C1orf87: variants seen among roughly 807,000 people sequenced by gnomAD.
C1orf87 encodes uncharacterized protein C1orf87.
A neutral mutation model predicts 60.5 loss-of-function variants in C1orf87; 58 were observed. That is an observed-to-expected ratio of 0.96 (90% confidence interval 0.78 to 1.19). The LOEUF is 1.19. Among genes scored for constraint, C1orf87 ranks in the 50% most tolerant of loss-of-function variants. The pLI is 0.00. For synonymous variants in C1orf87, 236 were observed against 227.4 expected (o/e 1.04, Z -0.34); for missense variants, 673 against 638.6 (o/e 1.05, Z -0.58).
At chr1:60,049,672 C>T (rs1334327679) in intron 3 of C1orf87, among the ~76,000 whole-genome samples, 1 of 151,980 alleles carries the variant, frequency 6.6e-6, no homozygotes, top group African/African-American at 2.4e-5. Flanking sequence ...TCCCCTTATC[C>T]CAGATGATAG....
Position 60,001,123 on chromosome 1 carries a change from A to T in C1orf87, c.1226T>A (p.Met409Lys), listed in dbSNP as rs1557455930. The T allele has an allele frequency of 1.2e-6, 2 of 1,604,046 alleles. No homozygotes were observed. The highest frequency in any genetic ancestry group is 2.3e-5 in the East Asian group (1 of 44,350). The change falls in exon 10 of 12, where the codon ATG (methionine) becomes AAG (lysine). Residue 409 changes from methionine (M) to lysine (K), a missense_variant. By Grantham distance (95) the Met-to-Lys change is moderately conservative. Coordinates refer to ENST00000371201, the MANE Select transcript of C1orf87 (RefSeq NM_152377.3). ...AGACATCTCGGGGACTTCAGGCTCC[A>T]TTGGAGGGGCAGGGGCTTTCTTTTC... The part of the protein sequence containing the change: ...KNEKKAPAPP[M>K]EPEVPEMSQS...
At chr1:60,007,928 C>T (rs892675148) in intron 9 of C1orf87, among the ~76,000 whole-genome samples, 6 of 151,972 alleles carry the variant, frequency 3.9e-5, no homozygotes, top group Non-Finnish European at 7.4e-5. Flanking sequence ...GTTCTACACA[C>T]CCATAAGGAG....
intron 2 of C1orf87, among the ~76,000 whole-genome samples, chr1:60,067,570 T>G (rs1214668575): frequency 4.7e-5 from 7 of 150,012 alleles, no homozygotes; most frequent in East Asian, 1.9e-4. Context: ...GTTTTTTTTT[T>G]TTTTTTTTTT....
At chr1:60,071,927 T>G (rs1205148004) in intron 2 of C1orf87, among the ~76,000 whole-genome samples, 2 of 152,192 alleles carry the variant, frequency 1.3e-5, no homozygotes, top group Non-Finnish European at 2.9e-5. Flanking sequence ...CCTTCCCTCC[T>G]TTTTTGAGCC....
At position 60,039,990 on chromosome 1, in the gene C1orf87, T is replaced by C. The variant is rs1245938184; in HGVS notation, c.674A>G (p.His225Arg). Residue 225 changes from histidine (H) to arginine (R), a missense_variant, in exon 5 of 12, where the codon CAT (histidine) becomes CGT (arginine). Transcript: ENST00000371201. The part of the protein sequence containing the change: ...QSQLSRLFLK[H>R]EVPLQLPTVK... ...TGTTGGTAACTGTAGAGGGACTTCA[T>C]GCTTCAAAAAGAGGCGGCTCAGCTG... 7.4e-6 allele frequency: 12 copies of C among 1,614,036 alleles called. No individual in the cohort carries two copies. The highest frequency in any genetic ancestry group is 1.0e-5 in the Non-Finnish European group (12 of 1,179,996).
rs548857262 is a variant in C1orf87, at chr1:60,046,894, T to C, written c.343-5763A>G. On this transcript the variant is annotated intron_variant, in intron 3 of 11. Transcript: ENST00000371201. ...TGCTGTTTTTAAAAAGTATCATTTATTTCTTGTAAAATAGTAGTTAAATCT... is the reference window on the plus strand; with the variant it reads ...TGCTGTTTTTAAAAAGTATCATTTACTTCTTGTAAAATAGTAGTTAAATCT... Among the ~76,000 whole-genome samples the C allele has an allele frequency of 3.3e-5, 5 of 152,386 alleles. No individual in the cohort carries two copies. In the South Asian group the frequency reaches 1.0e-3, roughly 32 times the overall value.
chr1:60,010,407 A>G lies in C1orf87; in HGVS notation c.1177T>C (p.Ser393Pro), dbSNP rs1645075187. Residue 393 changes from serine to proline, a missense_variant, in exon 9 of 12, where the codon TCT (serine) becomes CCT (proline). Physicochemically the swap from Ser to Pro is moderately conservative, Grantham distance 74 (BLOSUM62 -1). Coordinates refer to ENST00000371201, the MANE Select transcript of C1orf87 (RefSeq NM_152377.3). ...TGGAACTCACCTGTAGGCAAATCAG[A>G]TAACAAATCAGAAGAAGCTCTGGTC... ...MLTRASSDLLSDLPTGKNEKK... is the reference protein window; with the variant it reads ...MLTRASSDLLPDLPTGKNEKK... The G allele has an allele frequency of 6.2e-7, 1 of 1,612,572 alleles. No homozygotes were observed. The highest frequency in any genetic ancestry group is 2.2e-5 in the East Asian group (1 of 44,828).
At chr1:60,040,768 T>G (rs527377290) in intron 4 of C1orf87, among the ~76,000 whole-genome samples, 10 of 151,390 alleles carry the variant, frequency 6.6e-5, no homozygotes, top group African/African-American at 2.4e-4. Context: ...TTTTTTTTTT[T>G]TTTTTGTAGA....
intron 6 of C1orf87, among the ~76,000 whole-genome samples, chr1:60,034,417 G>C (rs994550092): frequency 6.6e-6 from 1 of 152,168 alleles, no homozygotes; most frequent in East Asian, 1.9e-4. Flanking sequence ...AACTTTTCCT[G>C]TTTTCCATTG....
intron 10 of C1orf87, among the ~76,000 whole-genome samples, chr1:60,000,500 T>C (rs955099219): frequency 6.6e-6 from 1 of 152,062 alleles, no homozygotes; most frequent in Non-Finnish European, 1.5e-5. Context: ...TATGTTCTAA[T>C]CCGGGCATTT....
At chr1:60,033,689 A>C (rs771940153) in intron 6 of C1orf87, 48 bp from the exon 7 acceptor site, 2 of 1,570,748 alleles carry the variant, frequency 1.3e-6, no homozygotes, top group South Asian at 1.2e-5. Flanking sequence ...TATCCACCCA[A>C]GGCAGCTGCA....
intron 11 of C1orf87, among the ~76,000 whole-genome samples, chr1:59,992,963 G>A (rs550927192): frequency 2.0e-5 from 3 of 152,192 alleles, no homozygotes; most frequent in Non-Finnish European, 2.9e-5. Flanking sequence ...TTGCATCTTC[G>A]AAGTTTTCTG....
At chr1:60,000,772 C>T (rs903957814) in intron 10 of C1orf87, among the ~76,000 whole-genome samples, 3 of 151,972 alleles carry the variant, frequency 2.0e-5, no homozygotes, top group Non-Finnish European at 4.4e-5. Context: ...GTGAATCGGT[C>T]ACAAGCTTTG....
chr1:60,019,265 T>C (rs986328170), intron 8 of C1orf87, among the ~76,000 whole-genome samples: 2 of 152,224 alleles, frequency 1.3e-5, no homozygotes, highest in Admixed American at 1.3e-4. Context: ...CACTGTCTCT[T>C]CCTCTCTCCT....
Position 60,010,387 on chromosome 1 carries a change from C to T in C1orf87, c.1192+5G>A, listed in dbSNP as rs978068329. 1 of 1,611,140 alleles carries T rather than the reference C, an allele frequency of 6.2e-7. No homozygotes were observed. Among genetic ancestry groups the T allele is most frequent in the African/African-American group, 1.3e-5 (1 of 74,844 alleles). On this transcript the variant is annotated splice_donor_5th_base_variant and intron_variant, in intron 9 of 11. Coordinates refer to ENST00000371201, the MANE Select transcript of C1orf87 (RefSeq NM_152377.3). ...TCTCTGGAGCAAAAAAATAATGGAACTCACCTGTAGGCAAATCAGATAACA... is the reference window on the plus strand; with the variant it reads ...TCTCTGGAGCAAAAAAATAATGGAATTCACCTGTAGGCAAATCAGATAACA...
intron 9 of C1orf87, among the ~76,000 whole-genome samples, chr1:60,006,132 T>A (rs1162533524): frequency 6.6e-6 from 1 of 151,978 alleles, no homozygotes; most frequent in African/African-American, 2.4e-5. Context: ...TGTGAGGATG[T>A]GATGGCCATA....
intron 2 of C1orf87, among the ~76,000 whole-genome samples, chr1:60,061,198 A>C (rs897638613): frequency 1.3e-5 from 2 of 152,200 alleles, no homozygotes; most frequent in African/African-American, 4.8e-5. Context: ...TAAAAAGATG[A>C]TGGATTTAAA....
chr1:60,034,554 GC>G (rs1488917614), intron 6 of C1orf87, among the ~76,000 whole-genome samples: 1 of 152,166 alleles, frequency 6.6e-6, no homozygotes, highest in Non-Finnish European at 1.5e-5. Flanking sequence ...GCAAGATAAA[GC>G]CCTAATTTGC....
rs371236348 is a variant in C1orf87, at chr1:60,064,998, A to ATATTAAATATAT, written c.107+7538_107+7539insATATATTTAATA. The stretch of plus-strand genomic sequence containing the variant: ...AAATATTTATTATAAAATACATATA[A>ATATTAAATATAT]ATATTAAATATATATTAAATATATA... On this transcript the variant is annotated intron_variant, in intron 2 of 11. Coordinates refer to ENST00000371201, the MANE Select transcript of C1orf87 (RefSeq NM_152377.3). Among the ~76,000 whole-genome samples the ATATTAAATATAT allele has an allele frequency of 4.5e-3, 77 of 17,182 alleles. 3 individuals are homozygous for ATATTAAATATAT. The highest frequency in any genetic ancestry group is 0.013 in the African/African-American group (74 of 5,544). The allele number at this position is 17,182 out of a possible 152,430, so 11.3% of individuals were successfully genotyped here. A position where few individuals can be genotyped will look rare whatever the true frequency, so the allele number is the denominator to read the frequency against.
Sources: allele counts gnomAD v4.1 joint callset (sites outside exome capture counted in the v4.1 genomes callset), GRCh38; gene constraint gnomAD v4.1.1; transcripts MANE v1.5; gene names NCBI Gene and HGNC (gene_info 2026-07-23, HGNC 2026-07-21).